MARCHF1: variants seen among roughly 807,000 people sequenced by gnomAD.
MARCHF1 encodes membrane associated ring-CH-type finger 1, also known as E3 ubiquitin-protein ligase MARCHF1.
MARCHF1 carries 40 observed loss-of-function variants against 54.2 expected under a neutral mutation model. The ratio of observed to expected loss-of-function variants is 0.74; its 90% CI spans 0.57 to 0.96. The LOEUF (loss-of-function observed/expected upper bound fraction) is 0.96, where lower values mean the gene tolerates loss of function less well. MARCHF1 is among the 40% of genes least tolerant of loss of function. The pLI, the probability that MARCHF1 is intolerant of heterozygous loss-of-function variation, is 0.00. For synonymous variants in MARCHF1, 236 were observed against 236.3 expected (o/e 1.00, Z 0.01); for missense variants, 586 against 656.5 (o/e 0.89, Z 1.17).
At chr4:163,790,905 T>C (rs1747758177) in intron 4 of MARCHF1, among the ~76,000 whole-genome samples, 1 of 152,138 alleles carries the variant, frequency 6.6e-6, no homozygotes, top group Admixed American at 6.6e-5. Context: ...GGCAAGTATT[T>C]ATGTCAGGAA....
At chr4:163,633,209 T>G (rs1256955040) in intron 5 of MARCHF1, among the ~76,000 whole-genome samples, 2 of 152,152 alleles carry the variant, frequency 1.3e-5, no homozygotes, top group Non-Finnish European at 1.5e-5. Context: ...CCAACGGAAC[T>G]CAGCTCCTCA....
intron 4 of MARCHF1, among the ~76,000 whole-genome samples, chr4:163,781,149 G>A (rs563137456): frequency 3.3e-5 from 5 of 152,110 alleles, no homozygotes; most frequent in Admixed American, 1.3e-4. Flanking sequence ...TCAGGAGTTC[G>A]AGACCAGCCT....
intron 1 of MARCHF1, among the ~76,000 whole-genome samples, chr4:164,323,597 C>CAAAAAAA (rs70952622): frequency 6.5e-5 from 2 of 30,946 alleles, no homozygotes; most frequent in African/African-American, 3.1e-4. Context: ...GGATGAGTAG[C>CAAAAAAA]AAAAAAAAAA....
intron 3 of MARCHF1, among the ~76,000 whole-genome samples, chr4:163,979,345 T>G (rs1353076300): frequency 6.7e-6 from 1 of 149,752 alleles, no homozygotes; most frequent in Admixed American, 6.7e-5. Context: ...ACAAAGGACA[T>G]GAACTCATCA....
intron 9 of MARCHF1, among the ~76,000 whole-genome samples, chr4:163,535,630 T>C (rs1738502092): frequency 6.6e-6 from 1 of 152,190 alleles, no homozygotes; most frequent in Non-Finnish European, 1.5e-5. Context: ...TATACATGGC[T>C]GGACGCCTGT....
chr4:163,776,064 G>C (rs979352958), intron 4 of MARCHF1, among the ~76,000 whole-genome samples: 1 of 152,136 alleles, frequency 6.6e-6, no homozygotes, highest in Non-Finnish European at 1.5e-5. Flanking sequence ...AGGAGATGGA[G>C]AGAAAAATAG....
intron 1 of MARCHF1, among the ~76,000 whole-genome samples, chr4:164,114,316 T>G (rs773573359): frequency 7.9e-5 from 12 of 152,062 alleles, no homozygotes; most frequent in African/African-American, 1.4e-4. Flanking sequence ...ATATTTTTAT[T>G]GCCATTCACA....
intron 1 of MARCHF1, among the ~76,000 whole-genome samples, chr4:164,363,353 T>C (rs1358196365): frequency 6.6e-6 from 1 of 152,106 alleles, no homozygotes; most frequent in African/African-American, 2.4e-5. Context: ...TAACTCTTTC[T>C]CCTAAGAAGA....
chr4:164,235,966 G>A (rs1339770976), intron 1 of MARCHF1, among the ~76,000 whole-genome samples: 2 of 152,056 alleles, frequency 1.3e-5, no homozygotes, highest in African/African-American at 4.8e-5. Flanking sequence ...TTTTACACAA[G>A]GAGAGGCCGC....
chr4:164,066,371 A>T (rs942535968), intron 2 of MARCHF1, among the ~76,000 whole-genome samples: 40 of 152,184 alleles, frequency 2.6e-4, no homozygotes. Context: ...AAAAAATAAC[A>T]TGCTGGTGAG....
intron 5 of MARCHF1, among the ~76,000 whole-genome samples, chr4:163,678,783 C>T (rs908779933): frequency 4.6e-5 from 7 of 152,164 alleles, no homozygotes; most frequent in African/African-American, 9.6e-5. Flanking sequence ...GGAGCTTTAA[C>T]AAAATTTAAG....
intron 1 of MARCHF1, among the ~76,000 whole-genome samples, chr4:164,372,349 A>G (rs1731058788): frequency 6.6e-6 from 1 of 152,200 alleles, no homozygotes; most frequent in Non-Finnish European, 1.5e-5. Context: ...TTGACATGAA[A>G]AAGATAACAG....
intron 4 of MARCHF1, among the ~76,000 whole-genome samples, chr4:163,797,487 T>C (rs1481752999): frequency 6.6e-6 from 1 of 152,064 alleles, no homozygotes; most frequent in East Asian, 1.9e-4. Context: ...TTTCTCTCTG[T>C]TATTTCCTTC....
rs371408380 is a variant in MARCHF1 at position 163,986,210 on chromosome 4, G to T, written c.-39+2291C>A. ...ATCTCTTTTTAGAAATTATACGAAG[G>T]CTCAGAGTTTCCTTTCCTTTTCTCC... is the stretch of plus-strand genomic sequence containing the variant. On this transcript the variant is annotated intron_variant, in intron 3 of 9. Transcript: ENST00000514618. Among the ~76,000 whole-genome samples, 346 of 141,404 alleles carry T rather than the reference G, an allele frequency of 2.4e-3. 17 individuals are homozygous for T. The South Asian group carries it at 0.075, about 31-fold the overall frequency. 92.8% of individuals were successfully genotyped at this position (141,404 alleles called of 152,430 possible).
At chr4:164,031,178 G>T (rs1260796337) in intron 2 of MARCHF1, among the ~76,000 whole-genome samples, 1 of 152,064 alleles carries the variant, frequency 6.6e-6, no homozygotes. Flanking sequence ...TCAAGCTTTT[G>T]GTCATTCAAT....
At chr4:163,744,704 C>A (rs1746306985) in intron 4 of MARCHF1, among the ~76,000 whole-genome samples, 1 of 152,042 alleles carries the variant, frequency 6.6e-6, no homozygotes, top group Non-Finnish European at 1.5e-5. Flanking sequence ...AATGTTACAC[C>A]TTTTCCTTGT....
At chr4:164,371,967 C>T (rs981070690) in intron 1 of MARCHF1, among the ~76,000 whole-genome samples, 4 of 152,108 alleles carry the variant, frequency 2.6e-5, no homozygotes, top group African/African-American at 4.8e-5. Context: ...TATTTTAAAG[C>T]CTCCTCCTGC....
chr4:163,681,375 A>G (rs915496517), intron 5 of MARCHF1, among the ~76,000 whole-genome samples: 1 of 152,220 alleles, frequency 6.6e-6, no homozygotes, highest in Admixed American at 6.5e-5. Flanking sequence ...CAGAACTGGC[A>G]TGTACAGTTA....
chr4:163,546,701 G>T (rs1169707723), intron 8 of MARCHF1, among the ~76,000 whole-genome samples: 1 of 152,134 alleles, frequency 6.6e-6, no homozygotes, highest in African/African-American at 2.4e-5. Flanking sequence ...CTACCGTAAG[G>T]GTTGTAACTA....
Sources: allele counts gnomAD v4.1 joint callset (sites outside exome capture counted in the v4.1 genomes callset), GRCh38; gene constraint gnomAD v4.1.1; transcripts MANE v1.5; gene names NCBI Gene and HGNC (gene_info 2026-07-23, HGNC 2026-07-21).